MRC1: variants seen among roughly 807,000 people sequenced by gnomAD.
MRC1 encodes the protein mannose receptor C-type 1, also known as macrophage mannose receptor 1.
MRC1 carries 62 observed loss-of-function variants against 102.9 expected under a neutral mutation model. That is an observed-to-expected ratio of 0.60 (90% CI 0.49 to 0.74). MRC1 has a LOEUF of 0.74. MRC1 is among the 30% of genes least tolerant of loss of function. The pLI is 0.00. For missense variants in MRC1, 1,237 were observed against 862.8 expected (o/e 1.43, Z -5.43); for synonymous variants, 457 against 298.4 (o/e 1.53, Z -5.48).
At chr10:17,886,472 G>A (rs1014681125) in intron 22 of MRC1, among the ~76,000 whole-genome samples, 5 of 151,704 alleles carry the variant, frequency 3.3e-5, no homozygotes, top group Non-Finnish European at 5.9e-5. Flanking sequence ...GCATGATCTC[G>A]GCTCACTGCA....
At chr10:17,828,988 C>T (rs1403291087) in intron 3 of MRC1, among the ~76,000 whole-genome samples, 3 of 151,430 alleles carry the variant, frequency 2.0e-5, no homozygotes, top group Non-Finnish European at 2.9e-5. Flanking sequence ...CCTCCTGATG[C>T]TGGCTCCACC....
intron 19 of MRC1, 41 bp downstream of exon 19, chr10:17,879,862 C>A: frequency 1.3e-6 from 1 of 780,720 alleles, no homozygotes; most frequent in Non-Finnish European, 2.4e-6. Flanking sequence ...TGTGGCGTGG[C>A]GTGTCATTTG....
chr10:17,823,047 T>C, intron 1 of MRC1, 27 bp from the exon 2 acceptor site: 2 of 780,576 alleles, frequency 2.6e-6, no homozygotes, highest in Non-Finnish European at 4.8e-6. Flanking sequence ...TTTCTTCTTC[T>C]TTTCCTGCTT....
At chr10:17,894,493 A>G (rs1298135569) in intron 23 of MRC1, among the ~76,000 whole-genome samples, 181 bp downstream of exon 23, 1 of 137,024 alleles carries the variant, frequency 7.3e-6, no homozygotes, top group Non-Finnish European at 1.5e-5. Flanking sequence ...TCCGCCTCCC[A>G]GGTTTAAGCA....
intron 7 of MRC1, among the ~76,000 whole-genome samples, chr10:17,851,886 G>A (rs1223329196): frequency 6.6e-6 from 1 of 152,236 alleles, no homozygotes; most frequent in East Asian, 1.9e-4. Context: ...TCAGGAGGAA[G>A]AGACTAAACC....
rs1042741030 is a variant in MRC1, at chr10:17,837,499, A to G, written c.803-3194A>G. ...TGAGTGTGTAATTGCAATCCACTCT[A>G]TTTTGGAAAATATGCCATTAAAATG... On this transcript the variant is annotated intron_variant, in intron 4 of 29. Coordinates refer to ENST00000569591, the MANE Select transcript of MRC1 (RefSeq NM_002438.4). Among the ~76,000 whole-genome samples, 1,210 of 152,322 alleles carry G rather than the reference A, an allele frequency of 7.9e-3. 20 individuals carry two copies. Among genetic ancestry groups the G allele is most frequent in the African/African-American group, 0.028 (1,175 of 41,574 alleles).
chr10:17,844,189 G>C (rs1838791397), intron 5 of MRC1, among the ~76,000 whole-genome samples: 1 of 151,926 alleles, frequency 6.6e-6, no homozygotes, highest in Admixed American at 6.6e-5. Flanking sequence ...TGCCCATCTA[G>C]CTCTCCCATT....
In MRC1 at chr10:17,907,939, G is replaced by A. The variant is rs1447312581; in HGVS notation, c.4078+241G>A. Among the ~76,000 whole-genome samples the A allele has an allele frequency of 3.3e-5, 5 of 152,290 alleles. No homozygotes were observed. The East Asian group carries it at 9.6e-4, about 29-fold the overall frequency. ...TTGTTTATCAGTGCATTTGTAATGGGATATCTGAAGGATTTGCCAAGCTGC... is the reference window on the plus strand; with the variant it reads ...TTGTTTATCAGTGCATTTGTAATGGAATATCTGAAGGATTTGCCAAGCTGC... On this transcript the variant is annotated intron_variant, in intron 28 of 29. Transcript: ENST00000569591.
chr10:17,871,623 C>T (rs1336601503), intron 14 of MRC1, among the ~76,000 whole-genome samples: 1 of 152,148 alleles, frequency 6.6e-6, no homozygotes, highest in African/African-American at 2.4e-5. Flanking sequence ...AAATATTATC[C>T]TTTCCATTGG....
chr10:17,910,159 G>C (rs1160484766), intron 29 of MRC1, 56 bp from the exon 30 acceptor site: 5 of 779,204 alleles, frequency 6.4e-6, no homozygotes, highest in African/African-American at 5.1e-5. Flanking sequence ...GTTCTGCATA[G>C]CATGCAACCC....
In MRC1 at chr10:17,876,398, C is replaced by T. The variant is rs896906796; in HGVS notation, c.2550+1145C>T. ...GAGTAGCTGGGACTACAGGCGCACA[C>T]CACCATGCCTGGCTAATTTTTGTAT... is the stretch of plus-strand genomic sequence containing the variant. On this transcript the variant is annotated intron_variant, in intron 17 of 29. Transcript: ENST00000569591. Among the ~76,000 whole-genome samples, 266 of 152,214 alleles carry T rather than the reference C, an allele frequency of 1.7e-3. 2 individuals carry two copies. The highest frequency in any genetic ancestry group is 6.2e-3 in the African/African-American group (259 of 41,544).
intron 6 of MRC1, among the ~76,000 whole-genome samples, 157 bp from the exon 7 acceptor site, chr10:17,849,422 G>C (rs1276486624): frequency 6.6e-6 from 1 of 151,938 alleles, no homozygotes; most frequent in African/African-American, 2.4e-5. Context: ...GTCTATTTTT[G>C]GTGAATATGT....
At position 17,840,796 on chromosome 10, in the gene MRC1, C is replaced by T; in HGVS notation, c.906C>T (p.Asn302=). 1 of 780,846 alleles carries T rather than the reference C, an allele frequency of 1.3e-6. No individual in the cohort carries two copies. The highest frequency in any genetic ancestry group is 2.4e-6 in the Non-Finnish European group (1 of 417,948). 48.4% of individuals were successfully genotyped at this position (780,846 alleles called of 1,614,324 possible). Residue 302 remains asparagine (N), a synonymous_variant, in exon 5 of 30, where the codon AAC becomes AAT. Coordinates refer to ENST00000569591, the MANE Select transcript of MRC1 (RefSeq NM_002438.4). The part of the protein sequence containing the change: ...WSDRSPFRYL[N]WLPGSPSAEP... ...ACCGCAGTCCTTTCCGATATTTGAA[C>T]TGGTTACCAGGTAGGGTTAAGCCTG...
At position 17,858,630 on chromosome 10, in the gene MRC1, G is replaced by A. The variant is rs1290565037; in HGVS notation, c.1518+2278G>A. On this transcript the variant is annotated intron_variant, in intron 9 of 29. Transcript: ENST00000569591. Reference sequence around the variant, plus strand: ...AGCCTCCTGAGTAGCTGGGACTATAGGCACAAGCTACCATGCCTGGCTAAT... The same window carrying A: ...AGCCTCCTGAGTAGCTGGGACTATAAGCACAAGCTACCATGCCTGGCTAAT... 2.0e-5 allele frequency among the ~76,000 whole-genome samples: 3 copies of A among 152,176 alleles called. No individual in the cohort carries two copies. The East Asian group carries it at 5.8e-4, about 29-fold the overall frequency.
rs1833724763 is a variant in MRC1, at chr10:17,894,398, T to TG, written c.3250+86_3250+87insG. ...TCTTTCTTTCTTTCTTTCTTTCTTT[T>TG]TTTTTTTTTTTTTTTTTTTGAGGCA... On this transcript the variant is annotated intron_variant, in intron 23 of 29. Transcript: ENST00000569591. 2.1e-5 allele frequency: 12 copies of TG among 562,110 alleles called. No individual in the cohort carries two copies. The Admixed American group carries it at 3.2e-4, about 15-fold the overall frequency. 34.8% of individuals were successfully genotyped at this position (562,110 alleles called of 1,614,324 possible).
chr10:17,843,582 T>G (rs1158634547), intron 5 of MRC1, among the ~76,000 whole-genome samples: 1 of 152,044 alleles, frequency 6.6e-6, no homozygotes, highest in Non-Finnish European at 1.5e-5. Flanking sequence ...GAGAATTGCT[T>G]GAACCCAGGA....
chr10:17,861,212 C>T (rs1313801607), intron 9 of MRC1, among the ~76,000 whole-genome samples, 175 bp from the exon 10 acceptor site: 1 of 152,174 alleles, frequency 6.6e-6, no homozygotes, highest in African/African-American at 2.4e-5. Context: ...ACTCTGGAGA[C>T]TGAGGCAGGA....
At chr10:17,831,095 A>C (rs1838564863) in intron 3 of MRC1, among the ~76,000 whole-genome samples, 1 of 147,044 alleles carries the variant, frequency 6.8e-6, no homozygotes, top group South Asian at 2.1e-4. Flanking sequence ...ACGGAGTTTC[A>C]CCATGTTGGT....
intron 11 of MRC1, among the ~76,000 whole-genome samples, chr10:17,863,933 G>T (rs1488030689): frequency 6.6e-6 from 1 of 151,516 alleles, no homozygotes; most frequent in Non-Finnish European, 1.5e-5. Context: ...TGGGTTATCT[G>T]GTCCTGGTCT....
Sources: gnomAD v4.1 joint callset for allele counts (sites outside exome capture counted in the v4.1 genomes callset) on GRCh38, gnomAD v4.1.1 for gene constraint, MANE v1.5 for transcripts, NCBI Gene and HGNC (gene_info 2026-07-23, HGNC 2026-07-21) for gene names.